Variants in ADGRG2 observed in about 807,000 individuals in gnomAD.
ADGRG2 encodes G protein-coupled receptor 64.
A neutral mutation model predicts 74.1 loss-of-function variants in ADGRG2; 26 were observed. The observed-to-expected ratio is 0.35, with a 90% CI of 0.26 to 0.49. The LOEUF is 0.49. Ranked by LOEUF, ADGRG2 falls within the 20% of genes least tolerant of loss-of-function variation. ADGRG2 has a pLI of 0.99. For synonymous variants in ADGRG2, 296 were observed against 295.2 expected (o/e 1.00, Z -0.03); for missense variants, 619 against 763.1 (o/e 0.81, Z 2.22).
chrX:19,024,115 A>G (rs767136046), intron 11 of ADGRG2, among the ~76,000 whole-genome samples, 167 bp from the exon 12 acceptor site: 5 of 112,362 alleles, frequency 4.4e-5, no homozygotes, highest in Admixed American at 9.5e-5. Context: ...GCAAGAAAAT[A>G]AATAATTTAT....
At chrX:19,008,184 A>C (rs2060275846) in intron 18 of ADGRG2, 61 bp from the exon 19 acceptor site, 1 of 855,110 alleles carries the variant, frequency 1.2e-6, no homozygotes, top group African/African-American at 2.1e-5. Flanking sequence ...GATGGAAAAC[A>C]CATCTATTAA....
intron 1 of ADGRG2, among the ~76,000 whole-genome samples, chrX:19,097,165 T>C (rs2062110028): frequency 8.9e-6 from 1 of 112,537 alleles, no homozygotes; most frequent in Admixed American, 9.4e-5. Flanking sequence ...GGAGCTAATA[T>C]CACACCTGAC....
chrX:19,014,192 T>TC, intron 15 of ADGRG2, 118 bp from the exon 16 acceptor site: 2 of 562,605 alleles, frequency 3.6e-6, no homozygotes, highest in South Asian at 3.2e-5. Context: ...ATCAGGGACA[T>TC]GACACTTCCA....
At chrX:19,015,532 A>G (rs1388010899) in intron 15 of ADGRG2, among the ~76,000 whole-genome samples, 1 of 112,809 alleles carries the variant, frequency 8.9e-6, no homozygotes, top group Non-Finnish European at 1.9e-5. Context: ...CAGCCTGGCC[A>G]ACATGGCGAA....
intron 3 of ADGRG2, among the ~76,000 whole-genome samples, chrX:19,047,169 C>T (rs2061210029): frequency 8.9e-6 from 1 of 111,992 alleles, no homozygotes; most frequent in Non-Finnish European, 1.9e-5. Context: ...CAAATGTATG[C>T]TAAAATGTCC....
chrX:18,994,285 C>T (rs1248926562), intron 28 of ADGRG2, among the ~76,000 whole-genome samples: 4 of 111,794 alleles, frequency 3.6e-5, no homozygotes, highest in Non-Finnish European at 7.5e-5. Flanking sequence ...TGGTCAGGAG[C>T]TCGAGACTAG....
intron 2 of ADGRG2, among the ~76,000 whole-genome samples, chrX:19,069,345 GT>G (rs891317017): frequency 9.1e-6 from 1 of 110,310 alleles, no homozygotes; most frequent in Admixed American, 9.6e-5. Context: ...TCCTATTCAT[GT>G]TTTTTTTGTT....
At chrX:19,084,438 G>A (rs1308600907) in intron 1 of ADGRG2, among the ~76,000 whole-genome samples, 2 of 110,912 alleles carry the variant, frequency 1.8e-5, no homozygotes, top group Non-Finnish European at 3.8e-5. Flanking sequence ...TAACAAACCT[G>A]CACATCCTGC....
rs188615883 is a variant in ADGRG2 at position 19,014,056 on chromosome X, A to C, written c.729T>G (p.Ile243Met). ...EKLQCDLQDP[I>M]VCLADHPRGP... ...CACGTGGATGGTCAGCAAGACAGAC[A>C]ATGGGATCCTGCAGGTCACTAAAGG... Residue 243 changes from isoleucine to methionine, a missense_variant, in exon 16 of 29, where the codon ATT becomes ATG. Ile to Met is a conservative substitution (Grantham distance 10, BLOSUM62 1). Around this residue, in one of 3 missense-constraint regions of ADGRG2, gnomAD observed 292 missense variants for 318.0 expected, o/e 0.92. Transcript: ENST00000379869. The C allele has an allele frequency of 8.3e-7, 1 of 1,201,854 alleles. No homozygotes were observed. Among genetic ancestry groups the C allele is most frequent in the East Asian group, 3.0e-5 (1 of 33,662 alleles).
chrX:18,993,687 G>GAA (rs139677355), intron 28 of ADGRG2, among the ~76,000 whole-genome samples: 3 of 64,091 alleles, frequency 4.7e-5, no homozygotes, highest in Non-Finnish European at 6.3e-5. Flanking sequence ...TAAAAAAAAA[G>GAA]AAAAAAAAAA....
intron 3 of ADGRG2, among the ~76,000 whole-genome samples, chrX:19,064,218 G>A (rs1199928267): frequency 8.9e-6 from 1 of 112,071 alleles, no homozygotes; most frequent in Non-Finnish European, 1.9e-5. Context: ...GGGCCAAGGG[G>A]GTATAGGCAG....
At chrX:19,042,055 A>C (rs2061077505) in intron 3 of ADGRG2, among the ~76,000 whole-genome samples, 1 of 111,046 alleles carries the variant, frequency 9.0e-6, no homozygotes, top group South Asian at 3.8e-4. Flanking sequence ...AGGCTCAAGC[A>C]CTCACCTCGG....
chrX:19,040,608 C>A (rs1450289379), intron 3 of ADGRG2, among the ~76,000 whole-genome samples: 2 of 111,890 alleles, frequency 1.8e-5, no homozygotes, highest in Non-Finnish European at 3.8e-5. Flanking sequence ...TACTTTTTAA[C>A]GTGTATGTTT....
At chrX:19,096,905 A>C (rs2062105646) in intron 1 of ADGRG2, among the ~76,000 whole-genome samples, 1 of 112,691 alleles carries the variant, frequency 8.9e-6, no homozygotes, top group Non-Finnish European at 1.9e-5. Context: ...ACATGCTCAA[A>C]AATATTAGCT....
At chrX:19,037,847 G>A (rs772131199) in intron 4 of ADGRG2, among the ~76,000 whole-genome samples, 3 of 111,670 alleles carry the variant, frequency 2.7e-5, no homozygotes, top group Non-Finnish European at 5.6e-5. Flanking sequence ...GAGTGAACCT[G>A]AGACCCGTGA....
chrX:19,055,186 C>T (rs1392176790), intron 3 of ADGRG2, among the ~76,000 whole-genome samples: 1 of 112,144 alleles, frequency 8.9e-6, no homozygotes, highest in Admixed American at 9.4e-5. Flanking sequence ...TTTATAGAGA[C>T]TGCTTAACCA....
intron 3 of ADGRG2, among the ~76,000 whole-genome samples, chrX:19,051,365 C>T (rs1226857266): frequency 3.6e-5 from 4 of 111,416 alleles, no homozygotes; most frequent in Admixed American, 9.5e-5. Flanking sequence ...TGAGCCACCG[C>T]GCCCGGCCCC....
chrX:19,121,906 C>A (rs2147108343), intron 1 of ADGRG2, among the ~76,000 whole-genome samples: 1 of 111,974 alleles, frequency 8.9e-6, no homozygotes, highest in Admixed American at 9.3e-5. Flanking sequence ...GCGTGCTCAC[C>A]CCCTGGCTCC....
intron 1 of ADGRG2, among the ~76,000 whole-genome samples, chrX:19,096,429 A>T (rs1328668365): frequency 9.1e-6 from 1 of 109,988 alleles, no homozygotes; most frequent in Non-Finnish European, 1.9e-5. Flanking sequence ...AAAAAAAAAA[A>T]ATCAGTATTG....
Sources: gnomAD v4.1 joint callset for allele counts (sites outside exome capture counted in the v4.1 genomes callset) on GRCh38, gnomAD v4.1.1 for gene constraint, gnomAD v4.1.1 regional missense constraint, MANE v1.5 for transcripts, NCBI Gene and HGNC (gene_info 2026-07-23, HGNC 2026-07-21) for gene names.